ADAMTS2: variants seen among roughly 807,000 people sequenced by gnomAD.
The protein encoded by ADAMTS2 is A disintegrin and metalloproteinase with thrombospondin motifs 2.
Under a neutral mutation model 123.0 loss-of-function variants are expected in ADAMTS2, and 50 were observed. The ratio of observed to expected loss-of-function variants is 0.41; its 90% CI spans 0.32 to 0.51. The LOEUF (loss-of-function observed/expected upper bound fraction) is 0.51, where lower values mean the gene tolerates loss of function less well. Among genes scored for constraint, ADAMTS2 ranks in the 20% least tolerant of loss-of-function variants. The pLI is 0.35. For synonymous variants in ADAMTS2, 678 were observed against 695.4 expected (o/e 0.98, Z 0.39); for missense variants, 1,494 against 1,705.2 (o/e 0.88, Z 2.18).
intron 4 of ADAMTS2, among the ~76,000 whole-genome samples, chr5:179,190,988 T>C (rs1026294043): frequency 6.6e-6 from 1 of 152,214 alleles, no homozygotes; most frequent in Admixed American, 6.5e-5. Flanking sequence ...TGCGTCGCCT[T>C]TGGGGAAACA....
rs373540125 is a variant in ADAMTS2 at position 179,153,638 on chromosome 5, C to G, written c.1383-15G>C. On this transcript the variant is annotated splice_polypyrimidine_tract_variant and intron_variant, in intron 8 of 21. Transcript: ENST00000251582. ...AGTCATAGGAGCTGTGGGGGACACA[C>G]GGTGCCGCGAGCAGCCTTCAGCGCG... 1 of 1,598,018 alleles carries G rather than the reference C, an allele frequency of 6.3e-7. No individual in the cohort carries two copies. The highest frequency in any genetic ancestry group is 1.3e-5 in the African/African-American group (1 of 75,032).
chr5:179,213,630 A>G (rs1702148248), intron 3 of ADAMTS2, among the ~76,000 whole-genome samples: 1 of 152,202 alleles, frequency 6.6e-6, no homozygotes, highest in Non-Finnish European at 1.5e-5. Flanking sequence ...AACAGGAGCA[A>G]AAGTGTGGTG....
chr5:179,329,233 A>G (rs559622501), intron 2 of ADAMTS2, among the ~76,000 whole-genome samples: 1 of 151,534 alleles, frequency 6.6e-6, no homozygotes, highest in Non-Finnish European at 1.5e-5. Flanking sequence ...AGGCTGAAGC[A>G]GGAGAATGGC....
At chr5:179,193,110 T>C (rs530110889) in intron 4 of ADAMTS2, among the ~76,000 whole-genome samples, 64 of 152,254 alleles carry the variant, frequency 4.2e-4, no homozygotes, top group African/African-American at 1.3e-3. Context: ...ATCACCCCAC[T>C]GTGACTATCT....
rs1362480250 is a variant in ADAMTS2, at chr5:179,332,117, G to A, written c.534+11650C>T. On this transcript the variant is annotated intron_variant, in intron 2 of 21. Transcript: ENST00000251582. This position sits in a 1 kb window ranked among gnomAD's most constrained non-coding sequence, Gnocchi z 4.2. ...TGTGACCTTGGAATCAGACAGACAT[G>A]TGTTCATTAATAGAACAGATCACAG... Among the ~76,000 whole-genome samples the A allele has an allele frequency of 6.6e-6, 1 of 152,248 alleles. No homozygotes were observed. The highest frequency in any genetic ancestry group is 1.5e-5 in the Non-Finnish European group (1 of 68,042).
chr5:179,211,450 C>A lies in ADAMTS2; in HGVS notation c.689-3735G>T, dbSNP rs115884109. Among the ~76,000 whole-genome samples the A allele has an allele frequency of 8.6e-3, 1,304 of 152,330 alleles. 11 individuals carry two copies. Among genetic ancestry groups the A allele is most frequent in the Non-Finnish European group, 0.011 (732 of 68,022 alleles). Reference sequence around the variant, plus strand: ...TGAAGGGAGGTGTCTGTGGCAGGATCCCATCTTTTAAATAGGTAACACAGA... The same window carrying A: ...TGAAGGGAGGTGTCTGTGGCAGGATACCATCTTTTAAATAGGTAACACAGA... On this transcript the variant is annotated intron_variant, in intron 3 of 21. Transcript: ENST00000251582.
chr5:179,138,462 C>T (rs1763103544), intron 11 of ADAMTS2, among the ~76,000 whole-genome samples: 1 of 152,240 alleles, frequency 6.6e-6, no homozygotes, highest in African/African-American at 2.4e-5. Flanking sequence ...GCAGACGCAT[C>T]ACGGCCGCTG....
At chr5:179,131,564 G>A (rs1218082624) in intron 15 of ADAMTS2, among the ~76,000 whole-genome samples, 2 of 152,008 alleles carry the variant, frequency 1.3e-5, no homozygotes, top group Non-Finnish European at 2.9e-5. Context: ...GCAGTCCCTG[G>A]TATCACTTCT....
At chr5:179,318,760 G>A (rs1234754347) in intron 2 of ADAMTS2, among the ~76,000 whole-genome samples, 2 of 151,788 alleles carry the variant, frequency 1.3e-5, no homozygotes, top group East Asian at 3.9e-4. Context: ...ACTCCCCTGG[G>A]GGAAACACTG....
At chr5:179,127,097 G>A (rs140899982) in intron 17 of ADAMTS2, among the ~76,000 whole-genome samples, 250 of 152,330 alleles carry the variant, frequency 1.6e-3, no homozygotes, top group Non-Finnish European at 3.2e-3. Flanking sequence ...TGTCTGATGT[G>A]TTCCCTCAAA....
chr5:179,240,959 C>T (rs1765654362), intron 3 of ADAMTS2, among the ~76,000 whole-genome samples: 1 of 152,306 alleles, frequency 6.6e-6, no homozygotes, highest in East Asian at 1.9e-4. Flanking sequence ...ATGAGCTTGG[C>T]TTAACTTACA....
rs1011232630 is a variant in ADAMTS2, at chr5:179,262,793, TGTGAGCC to T, written c.688+10111_688+10117del. ...GCTCACCAGGTCTCCCCTGCGGGGC[TGTGAGCC>T]CAGAGAACAGGGACTCGATCGGGTT... On this transcript the variant is annotated intron_variant, in intron 3 of 21. Transcript: ENST00000251582. The surrounding 1 kb of genome is among the most constrained non-coding windows in gnomAD (Gnocchi z 5.9). Among the ~76,000 whole-genome samples, 3 of 152,268 alleles carry T rather than the reference TGTGAGCC, an allele frequency of 2.0e-5. No individual in the cohort carries two copies. The highest frequency in any genetic ancestry group is 4.4e-5 in the Non-Finnish European group (3 of 68,038).
intron 12 of ADAMTS2, among the ~76,000 whole-genome samples, chr5:179,137,108 C>T (rs189064466): frequency 1.2e-3 from 188 of 152,360 alleles, no homozygotes; most frequent in African/African-American, 4.4e-3. Flanking sequence ...GCTGGGCCCC[C>T]AGACTGTGGC....
intron 3 of ADAMTS2, among the ~76,000 whole-genome samples, chr5:179,267,834 T>C (rs1285757843): frequency 2.0e-5 from 3 of 152,156 alleles, no homozygotes; most frequent in African/African-American, 7.2e-5. Flanking sequence ...GCCCTGGACC[T>C]GGCCAGCGTC....
At chr5:179,343,425 C>G (rs957691766) in intron 2 of ADAMTS2, among the ~76,000 whole-genome samples, 2 of 152,238 alleles carry the variant, frequency 1.3e-5, no homozygotes, top group African/African-American at 2.4e-5. Context: ...AACACATGTG[C>G]ACACACTCAC....
chr5:179,281,036 C>T (rs2450193), intron 2 of ADAMTS2, among the ~76,000 whole-genome samples: 1 of 152,158 alleles, frequency 6.6e-6, no homozygotes, highest in East Asian at 1.9e-4. Context: ...TTTTGTATTT[C>T]TAGTAGAGAT....
At chr5:179,311,905 AAC>A (rs775179596) in intron 2 of ADAMTS2, among the ~76,000 whole-genome samples, 1 of 152,218 alleles carries the variant, frequency 6.6e-6, no homozygotes, top group Admixed American at 6.5e-5. Flanking sequence ...ACCGCGCTTT[AAC>A]AAGTATCATT....
At chr5:179,328,717 C>G (rs2127458444) in intron 2 of ADAMTS2, among the ~76,000 whole-genome samples, 1 of 152,252 alleles carries the variant, frequency 6.6e-6, no homozygotes, top group African/African-American at 2.4e-5. Context: ...TAAAAGTGTT[C>G]CCAGATAACA....
chr5:179,221,673 A>T (rs997496537), intron 3 of ADAMTS2, among the ~76,000 whole-genome samples: 5 of 152,018 alleles, frequency 3.3e-5, no homozygotes, highest in Admixed American at 3.3e-4. Context: ...GGGAAACCCC[A>T]TGTGGGCGGG....
Sources: gnomAD v4.1 joint callset for allele counts (sites outside exome capture counted in the v4.1 genomes callset) on GRCh38, gnomAD v4.1.1 for gene constraint, Gnocchi (gnomAD v3.1) non-coding constraint, MANE v1.5 for transcripts, NCBI Gene and HGNC (gene_info 2026-07-23, HGNC 2026-07-21) for gene names.